QTMAN: variants seen among roughly 807,000 people sequenced by gnomAD.
The protein encoded by QTMAN is tRNA-queuosine alpha-mannosyltransferase.
At chr2:143,973,565 C>A in the QTMAN span, among the ~76,000 whole-genome samples, 2 of 151,750 alleles carry the variant, frequency 1.3e-5, no homozygotes, top group East Asian at 1.9e-4. Context: ...CCGAGACGGG[C>A]GGATCACGAG....
the QTMAN span, among the ~76,000 whole-genome samples, chr2:144,094,803 CAG>C: frequency 6.6e-6 from 1 of 152,300 alleles, no homozygotes; most frequent in East Asian, 1.9e-4. Context: ...GAACAGCAAA[CAG>C]AATGTCAATG....
At chr2:144,287,607 A>G in the QTMAN span, among the ~76,000 whole-genome samples, 1 of 152,176 alleles carries the variant, frequency 6.6e-6, no homozygotes, top group Non-Finnish European at 1.5e-5. Flanking sequence ...TTTTGACAGC[A>G]TAATGAAGAC....
the QTMAN span, among the ~76,000 whole-genome samples, chr2:144,175,854 G>A: frequency 3.3e-5 from 5 of 151,952 alleles, no homozygotes; most frequent in Non-Finnish European, 5.9e-5. Flanking sequence ...TAGCAGAAAC[G>A]TGGTTTCACC....
the QTMAN span, among the ~76,000 whole-genome samples, chr2:144,324,053 T>G: frequency 6.6e-6 from 1 of 152,208 alleles, no homozygotes; most frequent in African/African-American, 2.4e-5. Flanking sequence ...TCTTTAAATC[T>G]TCATTAGTAG....
chr2:144,078,149 A>G, the QTMAN span, among the ~76,000 whole-genome samples: 2 of 152,228 alleles, frequency 1.3e-5, no homozygotes, highest in Admixed American at 1.3e-4. Flanking sequence ...TTCAGTTCAC[A>G]GTCTCTGAAT....
At chr2:144,262,109 T>G in the QTMAN span, among the ~76,000 whole-genome samples, 1 of 152,022 alleles carries the variant, frequency 6.6e-6, no homozygotes, top group Non-Finnish European at 1.5e-5. Flanking sequence ...ATGGCAACAA[T>G]GATATATACA....
At chr2:144,002,216 A>G in the QTMAN span, among the ~76,000 whole-genome samples, 5 of 152,082 alleles carry the variant, frequency 3.3e-5, no homozygotes, top group Admixed American at 6.6e-5. Flanking sequence ...CCCTCGATAG[A>G]TATCTTTTAA....
chr2:144,299,988 T>C, the QTMAN span, among the ~76,000 whole-genome samples: 1 of 152,254 alleles, frequency 6.6e-6, no homozygotes, highest in Non-Finnish European at 1.5e-5. Context: ...CTTGAAGACA[T>C]TATACTAAGT....
At chr2:143,940,427 T>C in the QTMAN span, 2 of 152,220 alleles carry the variant, frequency 1.3e-5, no homozygotes, top group Non-Finnish European at 2.9e-5. Flanking sequence ...TAAGGAAATA[T>C]CGAAAGATAA....
the QTMAN span, among the ~76,000 whole-genome samples, chr2:144,066,232 A>T: frequency 2.6e-5 from 4 of 151,172 alleles, no homozygotes; most frequent in African/African-American, 9.7e-5. Context: ...AGTGTTTGGT[A>T]CTTCCTTTCT....
At chr2:144,220,875 T>C in the QTMAN span, among the ~76,000 whole-genome samples, 1 of 152,232 alleles carries the variant, frequency 6.6e-6, no homozygotes, top group Admixed American at 6.5e-5. Context: ...AGTATCCTAT[T>C]ATCCTCTTGC....
At chr2:144,136,395 A>AAAAGGAAAAGG in the QTMAN span, among the ~76,000 whole-genome samples, 8 of 97,454 alleles carry the variant, frequency 8.2e-5, no homozygotes, top group South Asian at 3.7e-4. Flanking sequence ...AAGGAAAAGG[A>AAAAGGAAAAGG]AAAGGAAAGG....
At chr2:144,324,746 T>C in the QTMAN span, among the ~76,000 whole-genome samples, 1 of 151,638 alleles carries the variant, frequency 6.6e-6, no homozygotes, top group African/African-American at 2.4e-5. Context: ...TGGTGCACAC[T>C]GAAAATAAAG....
chr2:143,961,840 C>T, the QTMAN span, among the ~76,000 whole-genome samples: 1 of 152,092 alleles, frequency 6.6e-6, no homozygotes, highest in Non-Finnish European at 1.5e-5. Flanking sequence ...AATGGATTCT[C>T]ACAGGACACA....
chr2:144,170,261 C>G, the QTMAN span, among the ~76,000 whole-genome samples: 1 of 152,146 alleles, frequency 6.6e-6, no homozygotes. Context: ...TGTGAAGAGT[C>G]TGAGATTCTG....
the QTMAN span, among the ~76,000 whole-genome samples, chr2:144,009,622 A>G: frequency 6.6e-6 from 1 of 152,172 alleles, no homozygotes; most frequent in Admixed American, 6.6e-5. Flanking sequence ...TTGTATACAG[A>G]AAGACAAAAC....
At chr2:144,232,919 A>G in the QTMAN span, among the ~76,000 whole-genome samples, 4 of 152,292 alleles carry the variant, frequency 2.6e-5, no homozygotes, top group Admixed American at 2.6e-4. Context: ...AAGAATTGGT[A>G]AACTTAAAAA....
the QTMAN span, among the ~76,000 whole-genome samples, chr2:144,204,516 G>A: frequency 1.7e-4 from 26 of 152,312 alleles, no homozygotes; most frequent in African/African-American, 5.8e-4. Context: ...AGGATGTGGA[G>A]AAATAGGAAC....
At chr2:143,954,335 G>C in the QTMAN span, among the ~76,000 whole-genome samples, 3 of 151,934 alleles carry the variant, frequency 2.0e-5, no homozygotes, top group Non-Finnish European at 4.4e-5. Flanking sequence ...AAAATCAAAA[G>C]AGTGAAGTCA....
Sources: gnomAD v4.1 joint callset for allele counts (sites outside exome capture counted in the v4.1 genomes callset) on GRCh38, gnomAD v4.1.1 for gene constraint, MANE v1.5 for transcripts, NCBI Gene and HGNC (gene_info 2026-07-23, HGNC 2026-07-21) for gene names.